The following ESF1 variants were observed in gnomAD, a reference collection of about 807,000 sequenced individuals.
ESF1 encodes ESF1 nucleolar pre-rRNA processing protein, also known as ESF1 homolog.
A neutral mutation model predicts 92.0 loss-of-function variants in ESF1; 58 were observed. That is an observed-to-expected ratio of 0.63 (90% CI 0.51 to 0.78). ESF1 has a LOEUF of 0.78. Among genes scored for constraint, ESF1 ranks in the 30% least tolerant of loss-of-function variants. The pLI is 0.00. For missense variants in ESF1, 922 were observed against 989.1 expected, an observed-to-expected ratio of 0.93 and a Z score of 0.91; for synonymous variants, 321 against 313.7, an observed-to-expected ratio of 1.02 and a Z score of -0.24.
At chr20:13,763,691 GAAC>G (rs1032256367) in intron 8 of ESF1, among the ~76,000 whole-genome samples, 1 of 152,092 alleles carries the variant, frequency 6.6e-6, no homozygotes, top group African/African-American at 2.4e-5. Flanking sequence ...GCTGTTCTGT[GAAC>G]AATAAAAAAT....
intron 7 of ESF1, among the ~76,000 whole-genome samples, 190 bp downstream of exon 7, chr20:13,769,717 C>T (rs965731995): frequency 6.6e-5 from 10 of 152,144 alleles, no homozygotes; most frequent in African/African-American, 2.4e-4. Flanking sequence ...ACCTGTGAGG[C>T]AGAGGTTACA....
chr20:13,716,021 C>G (rs2049822335), intron 13 of ESF1, among the ~76,000 whole-genome samples: 1 of 152,212 alleles, frequency 6.6e-6, no homozygotes, highest in African/African-American at 2.4e-5. Flanking sequence ...AAAAACCTAA[C>G]TGGAATGGGA....
Position 13,776,006 on chromosome 20 carries a change from T to C in ESF1, c.902A>G (p.Asp301Gly), listed in dbSNP as rs1979916264. Residue 301 changes from aspartate to glycine, a missense_variant, in exon 3 of 14, where the codon GAT (aspartate) becomes GGT (glycine). Transcript: ENST00000617257. ...EDDDKSDSGP[D>G]LARGKGNIET... ...TATATTTCCTTTACCCCTTGCAAGA[T>C]CAGGGCCACTGTCACTTTTATCATC... The C allele has an allele frequency of 1.2e-6, 2 of 1,613,956 alleles. No homozygotes were observed. Among genetic ancestry groups the C allele is most frequent in the African/African-American group, 2.7e-5 (2 of 75,024 alleles).
intron 12 of ESF1, 91 bp downstream of exon 12, chr20:13,718,817 A>G: frequency 1.2e-6 from 1 of 820,158 alleles, no homozygotes; most frequent in Non-Finnish European, 1.7e-6. Context: ...TGCTAAAATA[A>G]GTTGTTTTTT....
chr20:13,780,663 T>C (rs190548247), intron 2 of ESF1, among the ~76,000 whole-genome samples: 5 of 151,814 alleles, frequency 3.3e-5, no homozygotes, highest in Non-Finnish European at 5.9e-5. Flanking sequence ...CAAGACCTCT[T>C]GGCCTATCAA....
chr20:13,717,858 C>T (rs2049840576), intron 12 of ESF1, among the ~76,000 whole-genome samples: 1 of 151,938 alleles, frequency 6.6e-6, no homozygotes, highest in East Asian at 1.9e-4. Context: ...TCACTTTGTT[C>T]TTTTTGCGCA....
chr20:13,736,970 T>C (rs1287053444), intron 9 of ESF1, among the ~76,000 whole-genome samples: 1 of 152,240 alleles, frequency 6.6e-6, no homozygotes, highest in Non-Finnish European at 1.5e-5. Context: ...GTTGTCATCA[T>C]GAGGTCATTT....
Position 13,775,914 on chromosome 20 carries a change from C to A in ESF1, c.994G>T (p.Ala332Ser), listed in dbSNP as rs1156790316. 1 of 1,612,964 alleles carries A rather than the reference C, an allele frequency of 6.2e-7. No homozygotes were observed. Among genetic ancestry groups the A allele is most frequent in the Non-Finnish European group, 8.5e-7 (1 of 1,179,578 alleles). The change falls in exon 3 of 14, where the codon GCT becomes TCT. Residue 332 changes from alanine to serine, a missense_variant. By Grantham distance (99) the Ala-to-Ser change is moderately conservative (BLOSUM62 1). Transcript: ENST00000617257. ...LFPEESGFEH[A>S]WRELDKDAPR... Reference sequence around the variant, plus strand: ...GCATCTTTATCTAATTCTCTCCAAGCATGCTCAAAACCAGATTCTTCTGGA... The same window carrying A: ...GCATCTTTATCTAATTCTCTCCAAGAATGCTCAAAACCAGATTCTTCTGGA...
At chr20:13,740,785 T>A (rs2050007560) in intron 9 of ESF1, among the ~76,000 whole-genome samples, 1 of 152,102 alleles carries the variant, frequency 6.6e-6, no homozygotes. Flanking sequence ...CAAGACCACA[T>A]CTCTCCTGAC....
chr20:13,776,649 G>T (rs1165008455), intron 2 of ESF1, among the ~76,000 whole-genome samples: 6 of 152,106 alleles, frequency 3.9e-5, no homozygotes, highest in Non-Finnish European at 8.8e-5. Context: ...TGAGTGAAAA[G>T]AATACATGGA....
chr20:13,770,456 C>G (rs984143696), intron 6 of ESF1, among the ~76,000 whole-genome samples: 1 of 152,180 alleles, frequency 6.6e-6, no homozygotes, highest in Non-Finnish European at 1.5e-5. Context: ...GAAGTCTCAA[C>G]GGCCTGGGCT....
intron 9 of ESF1, among the ~76,000 whole-genome samples, chr20:13,740,064 C>T (rs1028962064): frequency 6.6e-6 from 1 of 152,060 alleles, no homozygotes; most frequent in Non-Finnish European, 1.5e-5. Flanking sequence ...ACCACAAACC[C>T]CTGGGTTTGT....
chr20:13,714,588 A>T lies in ESF1; in HGVS notation c.*286T>A, dbSNP rs145502462. 1.6e-4 allele frequency: 32 copies of T among 205,762 alleles called. No homozygotes were observed. Among genetic ancestry groups the T allele is most frequent in the African/African-American group, 7.3e-4 (32 of 43,574 alleles). 12.7% of individuals were successfully genotyped at this position (205,762 alleles called of 1,614,324 possible). ...TGTAAACAGCCTTTTAAAAAGCTAG[A>T]GTAACTTTCCACTAGTTAGAACTGA... On this transcript the variant is annotated 3_prime_UTR_variant, in exon 14 of 14. Coordinates refer to ENST00000617257, the MANE Select transcript of ESF1 (RefSeq NM_001276380.2).
chr20:13,742,414 A>G (rs1413050974), intron 9 of ESF1, among the ~76,000 whole-genome samples: 1 of 152,076 alleles, frequency 6.6e-6, no homozygotes, highest in Non-Finnish European at 1.5e-5. Flanking sequence ...TGGAGGTTGC[A>G]GTGCTGAGAT....
At chr20:13,784,789 G>C (rs1008195594) in intron 1 of ESF1, 91 bp downstream of exon 1, 6 of 509,094 alleles carry the variant, frequency 1.2e-5, no homozygotes, top group Non-Finnish European at 2.1e-5. Flanking sequence ...AAGAGATCCT[G>C]TTAGAGACTA....
At chr20:13,778,035 G>T (rs1980020988) in intron 2 of ESF1, among the ~76,000 whole-genome samples, 1 of 152,142 alleles carries the variant, frequency 6.6e-6, no homozygotes, top group African/African-American at 2.4e-5. Flanking sequence ...TAAATAAAAG[G>T]TAACCATTTA....
chr20:13,730,866 C>A (rs1026197943), intron 10 of ESF1, among the ~76,000 whole-genome samples: 3 of 152,036 alleles, frequency 2.0e-5, no homozygotes, highest in South Asian at 4.2e-4. Flanking sequence ...ATCAGGTATT[C>A]ATTTCTTCAG....
At chr20:13,719,685 TGA>T (rs1403094902) in intron 11 of ESF1, among the ~76,000 whole-genome samples, 1 of 151,958 alleles carries the variant, frequency 6.6e-6, no homozygotes, top group African/African-American at 2.4e-5. Flanking sequence ...AGAACCCCTA[TGA>T]GAAAATACAA....
In ESF1 at chr20:13,751,192, A is replaced by C. The variant is rs118189667; in HGVS notation, c.1828+8500T>G. On this transcript the variant is annotated intron_variant, in intron 9 of 13. Coordinates refer to ENST00000617257, the MANE Select transcript of ESF1 (RefSeq NM_001276380.2). ...TGAGTTCTGTCAAAATAACACACGGAACATGTGCAACGAAAAGTGACAGCT... is the reference window on the plus strand; with the variant it reads ...TGAGTTCTGTCAAAATAACACACGGCACATGTGCAACGAAAAGTGACAGCT... Among the ~76,000 whole-genome samples, 612 of 152,358 alleles carry C rather than the reference A, an allele frequency of 4.0e-3. 1 individual carries two copies. Among genetic ancestry groups the C allele is most frequent in the East Asian group, 0.012 (62 of 5,194 alleles).
Sources: allele counts gnomAD v4.1 joint callset (sites outside exome capture counted in the v4.1 genomes callset), GRCh38; gene constraint gnomAD v4.1.1; transcripts MANE v1.5; gene names NCBI Gene and HGNC (gene_info 2026-07-23, HGNC 2026-07-21).